Variants in FRS2 observed in about 807,000 individuals in gnomAD.
FRS2 encodes the protein fibroblast growth factor receptor substrate 2.
Under a neutral mutation model 43.9 loss-of-function variants are expected in FRS2, and 8 were observed. The observed-to-expected ratio is 0.18, with a 90% CI of 0.11 to 0.33. The LOEUF is 0.33. Ranked by LOEUF, FRS2 falls within the 10% of genes least tolerant of loss-of-function variation. The pLI is 1.00. For missense variants in FRS2, 534 were observed against 627.6 expected, an observed-to-expected ratio of 0.85 and a Z score of 1.59; for synonymous variants, 219 against 220.3, an observed-to-expected ratio of 0.99 and a Z score of 0.05.
chr12:69,493,933 A>G (rs958289202), intron 1 of FRS2, among the ~76,000 whole-genome samples: 18 of 152,118 alleles, frequency 1.2e-4, no homozygotes, highest in South Asian at 4.1e-4. Flanking sequence ...TTAATATTCA[A>G]TCGTGGCCTC....
chr12:69,502,445 G>C (rs1248393377), intron 1 of FRS2, among the ~76,000 whole-genome samples: 2 of 151,664 alleles, frequency 1.3e-5, no homozygotes, highest in Admixed American at 6.6e-5. Flanking sequence ...GGTTGCCCAG[G>C]CTGGTGTCAA....
intron 1 of FRS2, among the ~76,000 whole-genome samples, chr12:69,481,785 C>G (rs897069051): frequency 1.3e-5 from 2 of 152,060 alleles, no homozygotes; most frequent in Non-Finnish European, 2.9e-5. Flanking sequence ...ATCTGATTAG[C>G]TTTTTGATTG....
intron 1 of FRS2, among the ~76,000 whole-genome samples, chr12:69,507,554 G>T (rs1414438775): frequency 6.6e-6 from 1 of 152,150 alleles, no homozygotes; most frequent in Non-Finnish European, 1.5e-5. Flanking sequence ...CATATGAAAA[G>T]AACTTCATTA....
intron 1 of FRS2, among the ~76,000 whole-genome samples, chr12:69,502,122 C>A (rs1271016043): frequency 6.6e-6 from 1 of 152,008 alleles, no homozygotes; most frequent in African/African-American, 2.4e-5. Context: ...CCTGCCACCA[C>A]GCCCGGCTAA....
chr12:69,518,309 C>G (rs1305792563), intron 1 of FRS2, among the ~76,000 whole-genome samples: 1 of 152,202 alleles, frequency 6.6e-6, no homozygotes, highest in African/African-American at 2.4e-5. Flanking sequence ...GAAAATTTGT[C>G]TCTATATCCT....
At chr12:69,524,246 G>A (rs962212862) in intron 1 of FRS2, among the ~76,000 whole-genome samples, 9 of 152,164 alleles carry the variant, frequency 5.9e-5, no homozygotes, top group African/African-American at 1.9e-4. Flanking sequence ...GGGGACGGGG[G>A]TGCACTCACG....
chr12:69,556,231 ACAT>A (rs1273353801), intron 3 of FRS2, among the ~76,000 whole-genome samples: 3 of 152,174 alleles, frequency 2.0e-5, no homozygotes, highest in Non-Finnish European at 2.9e-5. Context: ...TAGTCTAGTA[ACAT>A]CATATCCAAC....
At chr12:69,492,261 CAAAG>C (rs1489456329) in intron 1 of FRS2, among the ~76,000 whole-genome samples, 1 of 151,800 alleles carries the variant, frequency 6.6e-6, no homozygotes, top group Non-Finnish European at 1.5e-5. Context: ...TGAAATAAGA[CAAAG>C]AAACAAAAAA....
intron 1 of FRS2, among the ~76,000 whole-genome samples, chr12:69,527,001 G>A (rs1474072743): frequency 1.3e-5 from 2 of 152,182 alleles, no homozygotes; most frequent in Non-Finnish European, 2.9e-5. Flanking sequence ...AGGATTACAG[G>A]CCTGAGCCAC....
chr12:69,495,921 T>A (rs1002375727), intron 1 of FRS2, among the ~76,000 whole-genome samples: 30 of 151,918 alleles, frequency 2.0e-4, no homozygotes, highest in Non-Finnish European at 4.4e-4. Context: ...ACAGCGAGAC[T>A]CTCTCAAAAA....
At chr12:69,554,015 G>A (rs1565770088) in intron 3 of FRS2, among the ~76,000 whole-genome samples, 1 of 152,164 alleles carries the variant, frequency 6.6e-6, no homozygotes, top group Non-Finnish European at 1.5e-5. Context: ...TAGATGTTAA[G>A]TTCTGCTTGT....
intron 1 of FRS2, among the ~76,000 whole-genome samples, chr12:69,520,269 A>G (rs1460197234): frequency 6.6e-6 from 1 of 152,028 alleles, no homozygotes; most frequent in Non-Finnish European, 1.5e-5. Context: ...TTCTCTTGAA[A>G]ATATGTTTAA....
intron 5 of FRS2, among the ~76,000 whole-genome samples, chr12:69,569,868 T>C (rs1056480227): frequency 6.6e-6 from 1 of 152,206 alleles, no homozygotes; most frequent in African/African-American, 2.4e-5. Flanking sequence ...TCTGTGCCAA[T>C]CTATTTTGGT....
At chr12:69,531,202 C>A (rs1192503472) in intron 2 of FRS2, among the ~76,000 whole-genome samples, 3 of 151,842 alleles carry the variant, frequency 2.0e-5, no homozygotes, top group African/African-American at 7.3e-5. Context: ...TGTTGGCACG[C>A]ACCTGTAATT....
At chr12:69,552,129 C>A (rs912454609) in intron 3 of FRS2, among the ~76,000 whole-genome samples, 1 of 151,476 alleles carries the variant, frequency 6.6e-6, no homozygotes, top group African/African-American at 2.4e-5. Context: ...ATGGAGAAAC[C>A]CCGTCTCTAC....
At chr12:69,487,397 A>G (rs35135155) in intron 1 of FRS2, among the ~76,000 whole-genome samples, 1 of 152,208 alleles carries the variant, frequency 6.6e-6, no homozygotes, top group Non-Finnish European at 1.5e-5. Context: ...ATGATGGTAA[A>G]TCTACTCTGT....
intron 1 of FRS2, among the ~76,000 whole-genome samples, chr12:69,513,151 G>GTTT (rs5798937): frequency 2.7e-5 from 4 of 147,046 alleles, no homozygotes; most frequent in African/African-American, 9.9e-5. Flanking sequence ...TTTGGAGTTT[G>GTTT]TTTTTTTTTT....
intron 1 of FRS2, among the ~76,000 whole-genome samples, chr12:69,486,801 A>G (rs1871996396): frequency 1.3e-5 from 2 of 152,244 alleles, no homozygotes; most frequent in African/African-American, 2.4e-5. Context: ...CAAACCAGCC[A>G]TAACATTCCC....
At chr12:69,503,958 C>CT (rs1412126995) in intron 1 of FRS2, among the ~76,000 whole-genome samples, 6 of 152,054 alleles carry the variant, frequency 3.9e-5, no homozygotes, top group Admixed American at 2.6e-4. Flanking sequence ...AATCCCAGCA[C>CT]TTTGGGAAGC....
Sources: gnomAD v4.1 joint callset for allele counts (sites outside exome capture counted in the v4.1 genomes callset) on GRCh38, gnomAD v4.1.1 for gene constraint, MANE v1.5 for transcripts, NCBI Gene and HGNC (gene_info 2026-07-23, HGNC 2026-07-21) for gene names.